ARHGAP26: variants seen among roughly 807,000 people sequenced by gnomAD.
ARHGAP26 encodes the protein rho GTPase-activating protein 26.
Under a neutral mutation model 104.8 loss-of-function variants are expected in ARHGAP26, and 38 were observed. That is an observed-to-expected ratio of 0.36 (90% CI 0.28 to 0.48). The LOEUF (loss-of-function observed/expected upper bound fraction) is 0.48. Among genes scored for constraint, ARHGAP26 ranks in the 20% least tolerant of loss-of-function variants. The pLI is 0.99. For synonymous variants in ARHGAP26, 341 were observed against 340.0 expected (o/e 1.00, Z -0.03); for missense variants, 704 against 947.9 (o/e 0.74, Z 3.38).
At chr5:143,137,996 C>T (rs1393627799) in intron 19 of ARHGAP26, among the ~76,000 whole-genome samples, 1 of 152,194 alleles carries the variant, frequency 6.6e-6, no homozygotes, top group African/African-American at 2.4e-5. Context: ...GGCTCATGGT[C>T]TGGGATATTA....
chr5:143,197,914 C>T (rs1260020223), intron 20 of ARHGAP26, among the ~76,000 whole-genome samples: 1 of 152,112 alleles, frequency 6.6e-6, no homozygotes, highest in Non-Finnish European at 1.5e-5. Flanking sequence ...ATCGTATAGG[C>T]CCATGATAAA....
chr5:143,219,921 C>A (rs1810913208), intron 22 of ARHGAP26, among the ~76,000 whole-genome samples: 1 of 152,200 alleles, frequency 6.6e-6, no homozygotes, highest in South Asian at 2.1e-4. Flanking sequence ...GCAGTCCAAC[C>A]CAAAGGCTGT....
At chr5:143,026,305 G>T (rs1212128839) in intron 12 of ARHGAP26, among the ~76,000 whole-genome samples, 1 of 152,188 alleles carries the variant, frequency 6.6e-6, no homozygotes, top group African/African-American at 2.4e-5. Flanking sequence ...ACAATGAAAA[G>T]AAATTGACAA....
intron 1 of ARHGAP26, among the ~76,000 whole-genome samples, chr5:142,843,636 T>C (rs1314818969): frequency 6.6e-6 from 1 of 152,220 alleles, no homozygotes; most frequent in African/African-American, 2.4e-5. Flanking sequence ...CCTTATGGCG[T>C]GTTTTTTTTT....
rs1468477869 is a variant in ARHGAP26, at chr5:143,147,372, C to G, written c.1979C>G (p.Pro660Arg). Residue 660 changes from proline to arginine, a missense_variant, in exon 20 of 23, where the codon CCC becomes CGC. Physicochemically the swap from Pro to Arg is moderately radical, Grantham distance 103. This residue lies in a region of ARHGAP26 where 217 missense variants were observed against 242.6 expected (regional missense o/e 0.89). Transcript: ENST00000645722. ...PDLAVVKPTRPNSLPPNPSPT... is the reference protein window; with the variant it reads ...PDLAVVKPTRRNSLPPNPSPT... The stretch of plus-strand genomic sequence containing the variant: ...CTGGCTGTGGTCAAACCCACCCGGC[C>G]CAACTCACTGTAAGTATGATGTCCA... The G allele has an allele frequency of 6.2e-7, 1 of 1,613,264 alleles. No individual in the cohort carries two copies. The highest frequency in any genetic ancestry group is 8.5e-7 in the Non-Finnish European group (1 of 1,179,588).
At chr5:142,780,802 G>A (rs1757335031) in intron 1 of ARHGAP26, among the ~76,000 whole-genome samples, 1 of 152,194 alleles carries the variant, frequency 6.6e-6, no homozygotes, top group Non-Finnish European at 1.5e-5. Context: ...CGTGACTCTG[G>A]TCTAGGGGAC....
At chr5:142,775,774 A>G (rs1329178750) in intron 1 of ARHGAP26, among the ~76,000 whole-genome samples, 1 of 152,220 alleles carries the variant, frequency 6.6e-6, no homozygotes, top group African/African-American at 2.4e-5. Context: ...AATATTTTCA[A>G]GGTTCATCCA....
chr5:143,197,817 G>T (rs1004189948), intron 20 of ARHGAP26, among the ~76,000 whole-genome samples: 1 of 152,180 alleles, frequency 6.6e-6, no homozygotes, highest in African/African-American at 2.4e-5. Context: ...ATGGTGTGAG[G>T]TAGGGGATTC....
intron 11 of ARHGAP26, among the ~76,000 whole-genome samples, chr5:142,932,938 T>C (rs1764923422): frequency 6.6e-6 from 1 of 152,222 alleles, no homozygotes; most frequent in Non-Finnish European, 1.5e-5. Context: ...TGGGACGTAG[T>C]CAACTAGGCA....
chr5:143,024,381 A>T (rs538414566), intron 12 of ARHGAP26, among the ~76,000 whole-genome samples: 1 of 152,128 alleles, frequency 6.6e-6, no homozygotes, highest in African/African-American at 2.4e-5. Context: ...ATGGCCTAAT[A>T]TTCCCCTTTC....
chr5:143,030,618 T>C (rs246637), intron 12 of ARHGAP26, among the ~76,000 whole-genome samples: 31,474 of 152,146 alleles, frequency 0.21, 5,909 homozygotes, highest in African/African-American at 0.49. Flanking sequence ...AATGAGAAAG[T>C]GGAGGACCAA....
At chr5:142,777,539 G>T (rs895892316) in intron 1 of ARHGAP26, among the ~76,000 whole-genome samples, 4 of 152,202 alleles carry the variant, frequency 2.6e-5, no homozygotes, top group Non-Finnish European at 5.9e-5. Context: ...AGTTTTTCTA[G>T]ATTTAAGTTT....
intron 17 of ARHGAP26, among the ~76,000 whole-genome samples, chr5:143,059,342 G>A (rs1287429438): frequency 6.6e-6 from 1 of 152,184 alleles, no homozygotes; most frequent in Non-Finnish European, 1.5e-5. Context: ...TGGAAGGAGA[G>A]CTTAACTGAA....
intron 11 of ARHGAP26, among the ~76,000 whole-genome samples, chr5:142,966,403 C>T (rs1010134633): frequency 6.6e-6 from 1 of 152,120 alleles, no homozygotes; most frequent in Non-Finnish European, 1.5e-5. Flanking sequence ...CTTCTGTTGG[C>T]CTGTGAAGTG....
intron 12 of ARHGAP26, among the ~76,000 whole-genome samples, chr5:143,024,691 A>G (rs1418442883): frequency 2.0e-5 from 3 of 152,160 alleles, no homozygotes; most frequent in African/African-American, 4.8e-5. Context: ...TAAGAACCCT[A>G]TGAGCTAGAT....
At position 143,012,556 on chromosome 5, in the gene ARHGAP26, T is replaced by TATATATATATATATATATAC. The variant is rs1562259620; in HGVS notation, c.1108-1505_1108-1504insCATATATATATATATATATA. On this transcript the variant is annotated intron_variant, in intron 11 of 22. Coordinates refer to ENST00000645722, the MANE Select transcript of ARHGAP26 (RefSeq NM_001135608.3). ...ATATATTTATATACATACATACATA[T>TATATATATATATATATATAC]ATATATATATATATATATATTATGA... Among the ~76,000 whole-genome samples the TATATATATATATATATATAC allele has an allele frequency of 7.6e-4, 45 of 59,054 alleles. 1 individual carries two copies. Among genetic ancestry groups the TATATATATATATATATATAC allele is most frequent in the South Asian group, 1.7e-3 (4 of 2,374 alleles). 38.7% of individuals were successfully genotyped at this position (59,054 alleles called of 152,430 possible). A position where few individuals can be genotyped will look rare whatever the true frequency, so the allele number is the denominator to read the frequency against.
intron 21 of ARHGAP26, 112 bp downstream of exon 21, chr5:143,207,420 A>C (rs1258173654): frequency 1.9e-6 from 3 of 1,613,874 alleles, no homozygotes; most frequent in Non-Finnish European, 2.5e-6. Flanking sequence ...CCTGCCATCC[A>C]AACCTGCACT....
intron 8 of ARHGAP26, 40 bp downstream of exon 8, chr5:142,903,709 GC>G (rs1251318582): frequency 6.3e-7 from 1 of 1,599,494 alleles, no homozygotes; most frequent in Non-Finnish European, 8.5e-7. Context: ...ATGTACTCAG[GC>G]CTCTTACCTA....
Position 143,012,552 on chromosome 5 carries a change from C to CATATATATAT in ARHGAP26, c.1108-1513_1108-1504dup, listed in dbSNP as rs3073231. ...AGGGATATATTTATATACATACATA[C>CATATATATAT]ATATATATATATATATATATATATT... On this transcript the variant is annotated intron_variant, in intron 11 of 22. Coordinates refer to ENST00000645722, the MANE Select transcript of ARHGAP26 (RefSeq NM_001135608.3). Among the ~76,000 whole-genome samples the CATATATATAT allele has an allele frequency of 4.5e-3, 93 of 20,816 alleles. 14 individuals carry two copies. Among genetic ancestry groups the CATATATATAT allele is most frequent in the Admixed American group, 7.2e-3 (9 of 1,256 alleles). 13.7% of individuals were successfully genotyped at this position (20,816 alleles called of 152,430 possible).
Sources: allele counts gnomAD v4.1 joint callset (sites outside exome capture counted in the v4.1 genomes callset), GRCh38; gene constraint gnomAD v4.1.1; regional missense constraint gnomAD v4.1.1; transcripts MANE v1.5; gene names NCBI Gene and HGNC (gene_info 2026-07-23, HGNC 2026-07-21).